The following KRT86 variants were observed in gnomAD, a reference collection of about 807,000 sequenced individuals.
KRT86 encodes the protein keratin 86.
In KRT86, 30 loss-of-function variants were observed where a neutral mutation model predicts 41.2. The observed-to-expected ratio is 0.73, with a 90% CI of 0.54 to 0.99. The LOEUF is 0.99. KRT86 is among the 50% of genes least tolerant of loss of function. The pLI is 0.00. For missense variants in KRT86, 561 were observed against 571.4 expected (o/e 0.98, Z 0.19); for synonymous variants, 238 against 238.1 (o/e 1.00, Z 0.00).
At position 52,308,534 on chromosome 12, in the gene KRT86, C is replaced by T; in HGVS notation, c.1410C>T (p.Cys470=). 1.2e-6 allele frequency: 2 copies of T among 1,601,992 alleles called. No individual in the cohort carries two copies. Among genetic ancestry groups the T allele is most frequent in the Non-Finnish European group, 8.5e-7 (1 of 1,179,814 alleles). ...SNVVVGTTNA[C]APSARVGVCG... ...TGGTGGTGGGCACTACTAACGCCTG[C>T]GCCCCCTCCGCCCGGGTTGGCGTCT... Residue 470 remains cysteine, a synonymous_variant, in exon 11 of 11, where the codon TGC becomes TGT. Coordinates refer to ENST00000423955, the MANE Select transcript of KRT86 (RefSeq NM_001320198.2).
intron 2 of KRT86, among the ~76,000 whole-genome samples, chr12:52,292,802 A>C (rs1241615615): frequency 6.6e-6 from 1 of 152,246 alleles, no homozygotes; most frequent in Non-Finnish European, 1.5e-5. Context: ...AACTCTTATT[A>C]TATCACCCCA....
At chr12:52,289,066 A>C in intron 2 of KRT86, 1 of 210,038 alleles carries the variant, frequency 4.8e-6, no homozygotes, top group East Asian at 1.1e-4. Context: ...TGGATGCTCA[A>C]TACAAAGGCC....
chr12:52,304,803 A>T (rs1938463449), intron 5 of KRT86, 129 bp from the exon 6 acceptor site: 1 of 1,028,624 alleles, frequency 9.7e-7, no homozygotes, highest in African/African-American at 1.6e-5. Context: ...CCAGAAGGGA[A>T]GGAGAGGGCA....
rs1137013 is a variant in KRT86, at chr12:52,308,849, G to C, written c.*264G>C. On this transcript the variant is annotated 3_prime_UTR_variant, in exon 11 of 11. Coordinates refer to ENST00000423955, the MANE Select transcript of KRT86 (RefSeq NM_001320198.2). ...GAGGATTCATCTTTTTCTTCCGCCT[G>C]CCTTCTGTTTTTTTTGCTGTATACA... 3.8e-6 allele frequency: 2 copies of C among 525,284 alleles called. No homozygotes were observed. Among genetic ancestry groups the C allele is most frequent in the Non-Finnish European group, 6.8e-6 (2 of 294,452 alleles). 32.5% of individuals were successfully genotyped at this position (525,284 alleles called of 1,614,324 possible).
intron 2 of KRT86, among the ~76,000 whole-genome samples, chr12:52,293,731 T>G (rs147841772): frequency 8.5e-5 from 13 of 152,316 alleles, no homozygotes; most frequent in Admixed American, 5.2e-4. Flanking sequence ...TGTACTATGT[T>G]CTACTTACCC....
chr12:52,285,200 C>T (rs752465672), intron 2 of KRT86, among the ~76,000 whole-genome samples: 1 of 152,136 alleles, frequency 6.6e-6, no homozygotes, highest in Non-Finnish European at 1.5e-5. Flanking sequence ...TTGCCCAACC[C>T]ACTCACCTAG....
Position 52,306,251 on chromosome 12 carries a change from C to T in KRT86, c.1218C>T (p.Tyr406=), listed in dbSNP as rs1467010738. 1 of 1,613,618 alleles carries T rather than the reference C, an allele frequency of 6.2e-7. No individual in the cohort carries two copies. The highest frequency in any genetic ancestry group is 1.3e-5 in the African/African-American group (1 of 75,046). ...KLGLDIEIAT[Y]RRLLEGEEQR... ...GCCTGGACATCGAGATCGCCACCTA[C>T]AGGCGCCTGCTGGAGGGCGAGGAGC... Residue 406 remains tyrosine (Y), a synonymous_variant, in exon 9 of 11, where the codon TAC becomes TAT. Coordinates refer to ENST00000423955, the MANE Select transcript of KRT86 (RefSeq NM_001320198.2).
chr12:52,278,056 T>C (rs1937674980), intron 2 of KRT86, among the ~76,000 whole-genome samples: 1 of 152,116 alleles, frequency 6.6e-6, no homozygotes, highest in African/African-American at 2.4e-5. Context: ...TGAAGTGCCT[T>C]CTTCTCAACT....
At chr12:52,288,823 C>T (rs1938053379) in intron 2 of KRT86, among the ~76,000 whole-genome samples, 1 of 152,070 alleles carries the variant, frequency 6.6e-6, no homozygotes, top group South Asian at 2.1e-4. Context: ...TCTTCTCCAT[C>T]CCCCCTTAGA....
chr12:52,286,255 C>T, intron 2 of KRT86: 1 of 1,553,894 alleles, frequency 6.4e-7, no homozygotes, highest in Admixed American at 1.9e-5. Context: ...GTTGGGGTGC[C>T]TAACATTTCC....
At chr12:52,289,005 C>A (rs1370412001) in intron 2 of KRT86, among the ~76,000 whole-genome samples, 1 of 132,376 alleles carries the variant, frequency 7.6e-6, no homozygotes, top group African/African-American at 3.0e-5. Context: ...TCCCCTTGCC[C>A]AAGGTAGGTG....
chr12:52,297,253 G>T (rs984245712), intron 2 of KRT86, among the ~76,000 whole-genome samples: 1 of 152,208 alleles, frequency 6.6e-6, no homozygotes, highest in Non-Finnish European at 1.5e-5. Context: ...GTCATTGCAT[G>T]CCTCAGTATC....
intron 2 of KRT86, among the ~76,000 whole-genome samples, chr12:52,293,811 T>A (rs1938190416): frequency 6.6e-6 from 1 of 152,054 alleles, no homozygotes; most frequent in Non-Finnish European, 1.5e-5. Context: ...GAGGTTTGCA[T>A]TAAATTGAGG....
chr12:52,287,935 C>T (rs754875313), intron 2 of KRT86: 11 of 1,613,916 alleles, frequency 6.8e-6, no homozygotes, highest in Middle Eastern at 1.6e-4. Flanking sequence ...AGATATCTCA[C>T]ATCCCTCCCA....
intron 2 of KRT86, among the ~76,000 whole-genome samples, chr12:52,297,305 C>T (rs1938273089): frequency 6.6e-6 from 1 of 152,216 alleles, no homozygotes; most frequent in South Asian, 2.1e-4. Context: ...GACTTCTGGC[C>T]TTTCTCATGA....
chr12:52,278,768 G>A (rs1404861887), intron 2 of KRT86, among the ~76,000 whole-genome samples: 5 of 151,940 alleles, frequency 3.3e-5, no homozygotes, highest in African/African-American at 1.2e-4. Flanking sequence ...CCACACCTTG[G>A]CGTGCCTCCT....
rs3840783 is a variant in KRT86, at chr12:52,301,438, A to AT, written c.-4-473dup. On this transcript the variant is annotated intron_variant, in intron 2 of 10. Coordinates refer to ENST00000423955, the MANE Select transcript of KRT86 (RefSeq NM_001320198.2). ...CGCCCCCCAAGTTCCACATCAAGGGATTCCCCCTCCCAACATTCCTGGCTA... is the reference window on the plus strand; with the variant it reads ...CGCCCCCCAAGTTCCACATCAAGGGATTTCCCCCTCCCAACATTCCTGGCTA... Among the ~76,000 whole-genome samples the AT allele has an allele frequency of 8.6e-5, 13 of 151,684 alleles. No homozygotes were observed. In the East Asian group the frequency reaches 2.3e-3, roughly 27 times the overall value.
rs1315242192 is a variant in KRT86 at position 52,286,495 on chromosome 12, T to C, written c.-5+10549T>C. The C allele has an allele frequency of 1.9e-6, 3 of 1,552,118 alleles. No individual in the cohort carries two copies. The South Asian group carries it at 3.6e-5, about 18-fold the overall frequency. On this transcript the variant is annotated intron_variant, in intron 2 of 10. Transcript: ENST00000423955. ...CCCCGCCCCGGGAGCTGCTGACACC[T>C]GTGAACCCCGAAGGCTGAGTCAAAA...
rs539874260 is a variant in KRT86 at position 52,299,756 on chromosome 12, A to G, written c.-4-2157A>G. ...ATATGTCTTCTTTTGAGAAATGTCT[A>G]TTCAGATCTTTTGCCCATTTTAAAA... On this transcript the variant is annotated intron_variant, in intron 2 of 10. Transcript: ENST00000423955. Among the ~76,000 whole-genome samples, 14 of 152,326 alleles carry G rather than the reference A, an allele frequency of 9.2e-5. No individual in the cohort carries two copies. The East Asian group carries it at 2.5e-3, about 27-fold the overall frequency.
Sources: allele counts gnomAD v4.1 joint callset (sites outside exome capture counted in the v4.1 genomes callset), GRCh38; gene constraint gnomAD v4.1.1; transcripts MANE v1.5; gene names NCBI Gene and HGNC (gene_info 2026-07-23, HGNC 2026-07-21).